ACAD11: variants seen among roughly 807,000 people sequenced by gnomAD.
The protein encoded by ACAD11 is acyl-Coenzyme A dehydrogenase family, member 11.
In ACAD11, 83 loss-of-function variants were observed where a neutral mutation model predicts 102.2. The observed-to-expected ratio is 0.81, with a 90% CI of 0.68 to 0.97. ACAD11 has a LOEUF of 0.97. Ranked by LOEUF, ACAD11 falls within the 50% of genes least tolerant of loss-of-function variation. The pLI, the probability that ACAD11 is intolerant of heterozygous loss-of-function variation, is 0.00. For missense variants in ACAD11, 901 were observed against 951.7 expected (o/e 0.95, Z 0.70); for synonymous variants, 324 against 319.8 (o/e 1.01, Z -0.14).
chr3:132,639,996 T>TCA (rs1940425914), intron 4 of ACAD11, among the ~76,000 whole-genome samples: 3 of 149,068 alleles, frequency 2.0e-5, no homozygotes, highest in African/African-American at 7.6e-5. Context: ...ACACACTCTC[T>TCA]CTCACACACA....
rs372334567 is a variant in ACAD11 at position 132,631,504 on chromosome 3, G to A, written c.703-25C>T. On this transcript the variant is annotated intron_variant, in intron 5 of 19. Coordinates refer to ENST00000264990, the MANE Select transcript of ACAD11 (RefSeq NM_032169.5). ...ACTGTAATTAAAAATAAAGAGGTCT[G>A]TAACACATTAAAACTTAAAACAAGT... 851 of 1,403,244 alleles carry A rather than the reference G, an allele frequency of 6.1e-4. 1 individual carries two copies. The highest frequency in any genetic ancestry group is 7.6e-4 in the Non-Finnish European group (811 of 1,067,062). The allele number at this position is 1,403,244 out of a possible 1,614,324, so 86.9% of individuals were successfully genotyped here. A position where few individuals can be genotyped will look rare whatever the true frequency, so the allele number is the denominator to read the frequency against.
At chr3:132,641,870 C>A (rs1940538398) in intron 4 of ACAD11, 102 bp downstream of exon 4, 1 of 1,097,236 alleles carries the variant, frequency 9.1e-7, no homozygotes, top group Non-Finnish European at 1.3e-6. Flanking sequence ...AAGTCATGGC[C>A]AAGCTTCAGA....
intron 11 of ACAD11, among the ~76,000 whole-genome samples, chr3:132,613,168 T>A (rs1419764005): frequency 1.3e-5 from 2 of 151,368 alleles, no homozygotes; most frequent in Admixed American, 6.6e-5. Flanking sequence ...TAGGTGGGAA[T>A]TGAACAATGA....
At position 132,641,983 on chromosome 3, in the gene ACAD11, A is replaced by G. The variant is rs778266629; in HGVS notation, c.526T>C (p.Cys176Arg). Reference sequence around the variant, plus strand: ...TGTGGATGCATTACCTGTCTTTTGCAGTACCCAGCACCTATACCATATCCT... The same window carrying G: ...TGTGGATGCATTACCTGTCTTTTGCGGTACCCAGCACCTATACCATATCCT... Reference protein sequence around the residue: ...LEGYGIGAGYCKRQVSTWTKQ... With the variant: ...LEGYGIGAGYRKRQVSTWTKQ... The change falls in exon 4 of 20, where the codon TGC becomes CGC. Residue 176 changes from cysteine to arginine, a missense_variant. Transcript: ENST00000264990. 7 of 1,603,716 alleles carry G rather than the reference A, an allele frequency of 4.4e-6. No homozygotes were observed. Among genetic ancestry groups the G allele is most frequent in the South Asian group, 1.1e-5 (1 of 89,476 alleles).
intron 17 of ACAD11, among the ~76,000 whole-genome samples, chr3:132,574,836 AT>A (rs367852094): frequency 2.0e-5 from 3 of 151,696 alleles, no homozygotes; most frequent in Admixed American, 6.6e-5. Context: ...ATATTTCCTA[AT>A]TTTTTTTCTT....
chr3:132,642,212 G>T, intron 3 of ACAD11, 79 bp from the exon 4 acceptor site: 2 of 1,325,546 alleles, frequency 1.5e-6, no homozygotes, highest in Non-Finnish European at 2.1e-6. Context: ...ACATTCATTT[G>T]TGAAACATAT....
At chr3:132,641,668 A>AGAAGAGGAAGAG (rs141782699) in intron 4 of ACAD11, among the ~76,000 whole-genome samples, 4 of 139,996 alleles carry the variant, frequency 2.9e-5, no homozygotes, top group African/African-American at 5.6e-5. Flanking sequence ...AAGAGGAGGA[A>AGAAGAGGAAGAG]GAAGAGGAAG....
At chr3:132,652,792 G>T (rs754550589) in intron 1 of ACAD11, among the ~76,000 whole-genome samples, 2 of 152,122 alleles carry the variant, frequency 1.3e-5, no homozygotes, top group Non-Finnish European at 2.9e-5. Context: ...TCCCTTAGAG[G>T]GTAGCTTCAG....
intron 9 of ACAD11, among the ~76,000 whole-genome samples, chr3:132,619,976 A>G (rs1452614416): frequency 6.6e-6 from 1 of 152,252 alleles, no homozygotes; most frequent in Non-Finnish European, 1.5e-5. Context: ...AAGTTTGTCC[A>G]GGGCATATAG....
intron 13 of ACAD11, among the ~76,000 whole-genome samples, chr3:132,598,875 G>A (rs1188030147): frequency 1.3e-5 from 2 of 152,208 alleles, no homozygotes; most frequent in East Asian, 3.8e-4. Flanking sequence ...TGGCTTTCAG[G>A]TGAAGAGATG....
chr3:132,579,037 A>T, intron 14 of ACAD11, 156 bp from the exon 15 acceptor site: 3 of 1,514,176 alleles, frequency 2.0e-6, no homozygotes, highest in Non-Finnish European at 2.7e-6. Context: ...ACACCAACAT[A>T]GTCTGATGCA....
chr3:132,636,986 A>T (rs1940299897), intron 5 of ACAD11, among the ~76,000 whole-genome samples: 2 of 152,260 alleles, frequency 1.3e-5, no homozygotes, highest in South Asian at 2.1e-4. Context: ...GCCATTTTTT[A>T]AATGTCACAG....
intron 1 of ACAD11, chr3:132,647,014 G>C (rs987537572): frequency 6.6e-6 from 1 of 152,148 alleles, no homozygotes; most frequent in Non-Finnish European, 1.5e-5. Flanking sequence ...GGTGATGGTT[G>C]TATAACATTG....
intron 9 of ACAD11, among the ~76,000 whole-genome samples, chr3:132,625,812 G>A (rs1480091167): frequency 2.6e-5 from 4 of 152,118 alleles, no homozygotes; most frequent in Admixed American, 6.6e-5. Flanking sequence ...AGACCTCTCA[G>A]AATCATAGAT....
At chr3:132,656,818 T>G (rs1041197759) in intron 1 of ACAD11, among the ~76,000 whole-genome samples, 4 of 151,840 alleles carry the variant, frequency 2.6e-5, no homozygotes, top group Non-Finnish European at 5.9e-5. Flanking sequence ...AAAAGTCAAT[T>G]TGGTGGTGTG....
intron 17 of ACAD11, among the ~76,000 whole-genome samples, chr3:132,568,801 C>CAAAAAAAAAAAAAAAAAAAAAAAAAAAA (rs755568917): frequency 4.4e-5 from 3 of 68,676 alleles, no homozygotes; most frequent in Non-Finnish European, 6.3e-5. Flanking sequence ...CATCCACAGG[C>CAAAAAAAAAAAAAAAAAAAAAAAAAAAA]AAAAAAAAAA....
chr3:132,604,545 A>G (rs1249206112), intron 12 of ACAD11, among the ~76,000 whole-genome samples: 2 of 152,200 alleles, frequency 1.3e-5, no homozygotes, highest in Non-Finnish European at 2.9e-5. Flanking sequence ...TTCTAAACTA[A>G]ATCACAAAAC....
chr3:132,618,586 A>T, intron 11 of ACAD11, 48 bp downstream of exon 11: 1 of 1,459,394 alleles, frequency 6.9e-7, no homozygotes, highest in South Asian at 1.5e-5. Flanking sequence ...AATTTTAAAC[A>T]CTGATCAAAA....
At chr3:132,567,347 T>C (rs1347605266) in intron 17 of ACAD11, among the ~76,000 whole-genome samples, 1 of 152,052 alleles carries the variant, frequency 6.6e-6, no homozygotes, top group Non-Finnish European at 1.5e-5. Flanking sequence ...TATACTTGAC[T>C]CAAACTGGTA....
Sources: allele counts gnomAD v4.1 joint callset (sites outside exome capture counted in the v4.1 genomes callset), GRCh38; gene constraint gnomAD v4.1.1; transcripts MANE v1.5; gene names NCBI Gene and HGNC (gene_info 2026-07-23, HGNC 2026-07-21).